The following AK9 variants were observed in gnomAD, a reference collection of about 807,000 sequenced individuals.
AK9 encodes adenylate kinase domain containing 1.
In AK9, 191 loss-of-function variants were observed where a neutral mutation model predicts 239.6. The ratio of observed to expected loss-of-function variants is 0.80; its 90% CI spans 0.71 to 0.90. The LOEUF (loss-of-function observed/expected upper bound fraction) is 0.90. Among genes scored for constraint, AK9 ranks in the 40% least tolerant of loss-of-function variants. AK9 has a pLI of 0.00. For missense variants in AK9, 1,995 were observed against 2,214.7 expected (o/e 0.90, Z 1.99); for synonymous variants, 689 against 721.0 (o/e 0.96, Z 0.71).
intron 3 of AK9, among the ~76,000 whole-genome samples, chr6:109,673,012 T>C (rs1771164324): frequency 6.6e-6 from 1 of 152,300 alleles, no homozygotes; most frequent in South Asian, 2.1e-4. Context: ...AATGATTTAT[T>C]TCCTTTAAAA....
chr6:109,504,580 G>T (rs941528596), intron 35 of AK9, among the ~76,000 whole-genome samples: 2 of 152,088 alleles, frequency 1.3e-5, no homozygotes, highest in Non-Finnish European at 2.9e-5. Flanking sequence ...AGGCAGAGGA[G>T]GGTGGATCAC....
Position 109,650,840 on chromosome 6 carries a change from A to G in AK9, c.759+5916T>C, listed in dbSNP as rs150591316. On this transcript the variant is annotated intron_variant, in intron 8 of 40. Transcript: ENST00000424296. ...AGACTTGGAACCAACCCAAATGTCG[A>G]ACAACGACAGACTGGATTAAGAAAA... 7.9e-3 allele frequency among the ~76,000 whole-genome samples: 1,211 copies of G among 152,362 alleles called. 26 individuals are homozygous for G. Among genetic ancestry groups the G allele is most frequent in the African/African-American group, 0.026 (1,072 of 41,586 alleles).
chr6:109,518,799 T>C (rs943510619), intron 29 of AK9, among the ~76,000 whole-genome samples: 1 of 152,186 alleles, frequency 6.6e-6, no homozygotes, highest in African/African-American at 2.4e-5. Context: ...CAATTTTTTT[T>C]CAATGAATTA....
At chr6:109,544,735 T>C (rs914767014) in intron 26 of AK9, among the ~76,000 whole-genome samples, 2 of 152,212 alleles carry the variant, frequency 1.3e-5, no homozygotes, top group African/African-American at 4.8e-5. Context: ...TATTTCTTTA[T>C]AGCAACGAGA....
chr6:109,597,160 G>C (rs1242732483), intron 17 of AK9, among the ~76,000 whole-genome samples: 3 of 152,142 alleles, frequency 2.0e-5, no homozygotes, highest in African/African-American at 7.2e-5. Context: ...TCAGGTCAAA[G>C]GGAATGAAAG....
At chr6:109,651,207 T>C (rs1380186793) in intron 8 of AK9, among the ~76,000 whole-genome samples, 1 of 151,596 alleles carries the variant, frequency 6.6e-6, no homozygotes, top group Non-Finnish European at 1.5e-5. Context: ...GTTGTGCACA[T>C]GTACCCTAAA....
chr6:109,676,391 C>CTAAGTTGAAAACTGT, intron 1 of AK9, among the ~76,000 whole-genome samples: 1 of 152,086 alleles, frequency 6.6e-6, no homozygotes, highest in African/African-American at 2.4e-5. Flanking sequence ...CTTAGTCCAA[C>CTAAGTTGAAAACTGT]TCTTTTGGAG....
intron 17 of AK9, among the ~76,000 whole-genome samples, chr6:109,599,311 G>T (rs972224066): frequency 2.0e-5 from 3 of 152,076 alleles, no homozygotes; most frequent in Non-Finnish European, 2.9e-5. Flanking sequence ...AGTTTTCCCA[G>T]CACCATTTGT....
intron 24 of AK9, among the ~76,000 whole-genome samples, chr6:109,554,301 A>C (rs1168880857): frequency 6.6e-6 from 1 of 152,102 alleles, no homozygotes; most frequent in Non-Finnish European, 1.5e-5. Flanking sequence ...TTCTGGTATA[A>C]TTCAGCTGTG....
intron 1 of AK9, among the ~76,000 whole-genome samples, chr6:109,677,794 A>G (rs1771983173): frequency 6.6e-6 from 1 of 152,230 alleles, no homozygotes. Context: ...AAGAAGATAT[A>G]CAGATGACAA....
chr6:109,677,735 C>T (rs1205926615), intron 1 of AK9, among the ~76,000 whole-genome samples: 1 of 152,106 alleles, frequency 6.6e-6, no homozygotes, highest in African/African-American at 2.4e-5. Context: ...AAAAAAATAT[C>T]ATGATCCAAT....
intron 20 of AK9, 131 bp from the exon 21 acceptor site, chr6:109,573,725 G>C (rs1787715184): frequency 3.7e-6 from 3 of 818,264 alleles, no homozygotes; most frequent in Non-Finnish European, 3.6e-6. Flanking sequence ...TAGTTTAATG[G>C]GGGAGATAGA....
At chr6:109,567,583 G>A (rs931512898) in intron 21 of AK9, among the ~76,000 whole-genome samples, 3 of 151,850 alleles carry the variant, frequency 2.0e-5, no homozygotes, top group African/African-American at 7.3e-5. Flanking sequence ...GTCCTTTGTA[G>A]GGACATGGAT....
In AK9 at chr6:109,533,311, T is replaced by C. The variant is rs1301085217; in HGVS notation, c.3510A>G (p.Leu1170=). 3 of 1,612,112 alleles carry C rather than the reference T, an allele frequency of 1.9e-6. No homozygotes were observed. The highest frequency in any genetic ancestry group is 1.7e-6 in the Non-Finnish European group (2 of 1,179,384). ...TCCTTTCTAATTTCTTCTTTTGTTT[T>C]AGTTTCCACTTTTCAATTTGGGCAG... ...LLPAQIEKWK[L]KQKKKLERKK... is the part of the protein sequence containing the mutation. The change falls in exon 28 of 41, where the codon CTA becomes CTG. Residue 1170 remains leucine (L), a synonymous_variant. Coordinates refer to ENST00000424296, the MANE Select transcript of AK9 (RefSeq NM_001145128.3).
Position 109,659,194 on chromosome 6 carries a change from T to C in AK9, c.630+34A>G, listed in dbSNP as rs1336184129. On this transcript the variant is annotated intron_variant, in intron 7 of 40. Transcript: ENST00000424296. Reference sequence around the variant, plus strand: ...CCTTAATTATAGCAATTTTAAAAAGTGTAGTGTATGGTAGTTACCTATTGA... The same window carrying C: ...CCTTAATTATAGCAATTTTAAAAAGCGTAGTGTATGGTAGTTACCTATTGA... 5 of 1,491,240 alleles carry C rather than the reference T, an allele frequency of 3.4e-6. No homozygotes were observed. In the Admixed American group the frequency reaches 9.8e-5, roughly 29 times the overall value. 92.4% of individuals were successfully genotyped at this position (1,491,240 alleles called of 1,614,324 possible). A position where few individuals can be genotyped will look rare whatever the true frequency, so the allele number is the denominator to read the frequency against.
intron 12 of AK9, among the ~76,000 whole-genome samples, chr6:109,622,200 T>G (rs921040288): frequency 6.9e-6 from 1 of 145,358 alleles, no homozygotes; most frequent in Non-Finnish European, 1.5e-5. Context: ...AATATACATA[T>G]TGTATATATT....
intron 19 of AK9, among the ~76,000 whole-genome samples, chr6:109,584,352 T>A (rs915916587): frequency 6.6e-6 from 1 of 152,076 alleles, no homozygotes; most frequent in Non-Finnish European, 1.5e-5. Context: ...ATAGGTGCCA[T>A]CATCAATAGT....
At position 109,671,914 on chromosome 6, in the gene AK9, CAT is replaced by C; in HGVS notation, c.331+3_331+4del. 1 of 1,611,780 alleles carries C rather than the reference CAT, an allele frequency of 6.2e-7. No individual in the cohort carries two copies. The highest frequency in any genetic ancestry group is 8.5e-7 in the Non-Finnish European group (1 of 1,178,442). ...TGGGCTGTAAATATATTAAAATAAACATACCAAAGTGACAGACTTCTGGGGAG... is the reference window on the plus strand; with the variant it reads ...TGGGCTGTAAATATATTAAAATAAACACCAAAGTGACAGACTTCTGGGGAG... On this transcript the variant is annotated splice_donor_region_variant and intron_variant, in intron 5 of 40. Transcript: ENST00000424296.
chr6:109,682,426 C>CAAAAAAAAAAAAAAA (rs57215335), intron 1 of AK9, among the ~76,000 whole-genome samples: 27 of 68,422 alleles, frequency 3.9e-4, no homozygotes, highest in Non-Finnish European at 4.8e-4. Flanking sequence ...GACTCCGTCT[C>CAAAAAAAAAAAAAAA]AAAAAAAAAA....
Sources: allele counts gnomAD v4.1 joint callset (sites outside exome capture counted in the v4.1 genomes callset), GRCh38; gene constraint gnomAD v4.1.1; transcripts MANE v1.5; gene names NCBI Gene and HGNC (gene_info 2026-07-23, HGNC 2026-07-21).